The following PRSS23 variants were observed in gnomAD, a reference collection of about 807,000 sequenced individuals.
PRSS23 encodes serine protease 23.
PRSS23 carries 25 observed loss-of-function variants against 34.7 expected under a neutral mutation model. The observed-to-expected ratio is 0.72, with a 90% confidence interval of 0.53 to 1.01. PRSS23 has a LOEUF of 1.01. Among genes scored for constraint, PRSS23 ranks in the 50% least tolerant of loss-of-function variants. PRSS23 has a pLI of 0.00. For missense variants in PRSS23, 445 were observed against 475.6 expected, an observed-to-expected ratio of 0.94 and a Z score of 0.60; for synonymous variants, 176 against 186.6, an observed-to-expected ratio of 0.94 and a Z score of 0.46.
At chr11:86,952,522 T>C (rs747156359) in exon 3 of PRSS23, 8 of 1,593,138 alleles carry the variant, frequency 5.0e-6, no homozygotes, top group East Asian at 2.2e-5. Flanking sequence ...ACTTGGAAGT[T>C]TGACCAAATG....
intron 2 of PRSS23, among the ~76,000 whole-genome samples, chr11:86,861,113 G>A (rs535474222): frequency 4.6e-5 from 7 of 151,936 alleles, no homozygotes; most frequent in African/African-American, 1.7e-4. Context: ...TTAATACCCT[G>A]TGTGTCCACC....
chr11:86,858,128 G>A (rs1948585723), intron 2 of PRSS23, among the ~76,000 whole-genome samples: 1 of 152,022 alleles, frequency 6.6e-6, no homozygotes, highest in Non-Finnish European at 1.5e-5. Flanking sequence ...CACCCCTGCT[G>A]TGATATTGTT....
At chr11:86,830,160 A>G (rs1010579357) in intron 2 of PRSS23, among the ~76,000 whole-genome samples, 3 of 151,934 alleles carry the variant, frequency 2.0e-5, no homozygotes, top group Non-Finnish European at 2.9e-5. Context: ...CGAGCTTCCC[A>G]GCTGCTTTGT....
upstream of PRSS23, among the ~76,000 whole-genome samples, chr11:86,799,663 G>C (rs761197324): frequency 6.6e-6 from 1 of 152,136 alleles, no homozygotes; most frequent in Non-Finnish European, 1.5e-5. Flanking sequence ...CTCCAGCCTG[G>C]TTAGGAGAGG....
At chr11:86,823,673 A>G (rs1380244912) in intron 2 of PRSS23, 2 of 686,492 alleles carry the variant, frequency 2.9e-6, no homozygotes, top group African/African-American at 3.5e-5. Flanking sequence ...TTTCTAATGC[A>G]TTTTAACGGA....
chr11:86,801,200 C>G (rs12793673), intron 1 of PRSS23, among the ~76,000 whole-genome samples: 11,459 of 152,286 alleles, frequency 0.075, 485 homozygotes, highest in Middle Eastern at 0.11. Flanking sequence ...TGTCCGTGTG[C>G]GTTCCGGGGG....
In PRSS23 at chr11:86,808,518, A is replaced by G; in HGVS notation, c.875A>G (p.Tyr292Cys). The G allele has an allele frequency of 1.2e-6, 2 of 1,614,228 alleles. No homozygotes were observed. Among genetic ancestry groups the G allele is most frequent in the Non-Finnish European group, 1.7e-6 (2 of 1,180,036 alleles). ...YDNDRPGNLV[Y>C]RFCDVKDETY... ...AATGACCGACCAGGCAATTTGGTGTATCGCTTCTGTGACGTCAAAGACGAG... is the reference window on the plus strand; with the variant it reads ...AATGACCGACCAGGCAATTTGGTGTGTCGCTTCTGTGACGTCAAAGACGAG... Residue 292 changes from tyrosine to cysteine, a missense_variant, in exon 2 of 2, where the codon TAT (tyrosine) becomes TGT (cysteine). Physicochemically the swap from Tyr to Cys is radical, Grantham distance 194. Transcript: ENST00000280258.
At chr11:86,880,548 T>C (rs949648857) in intron 2 of PRSS23, among the ~76,000 whole-genome samples, 9 of 152,210 alleles carry the variant, frequency 5.9e-5, no homozygotes, top group Admixed American at 4.6e-4. Context: ...GTTTGTTACA[T>C]AGGTATACAT....
chr11:86,913,462 A>AT (rs1948991720), intron 2 of PRSS23, among the ~76,000 whole-genome samples: 1 of 149,608 alleles, frequency 6.7e-6, no homozygotes, highest in Non-Finnish European at 1.5e-5. Context: ...TATAGGAACT[A>AT]TTCTGCCAGT....
At chr11:86,850,309 G>T (rs1948519454) in intron 2 of PRSS23, among the ~76,000 whole-genome samples, 1 of 152,276 alleles carries the variant, frequency 6.6e-6, no homozygotes, top group South Asian at 2.1e-4. Context: ...CCCTCTGGAG[G>T]ACACCACAAC....
intron 2 of PRSS23, among the ~76,000 whole-genome samples, chr11:86,861,659 A>AC (rs1387849382): frequency 1.3e-5 from 2 of 150,226 alleles, no homozygotes; most frequent in East Asian, 2.0e-4. Context: ...GGGAGTGTAC[A>AC]CCCCCCTATG....
At chr11:86,937,057 A>G (rs10792891) in intron 2 of PRSS23, 95,094 of 151,972 alleles carry the variant, frequency 0.63, 30,245 homozygotes, top group Non-Finnish European at 0.69. Flanking sequence ...GGCAGTAGGA[A>G]AAAAAGCAAG....
chr11:86,857,139 GA>G, intron 2 of PRSS23: 1 of 326,374 alleles, frequency 3.1e-6, no homozygotes, highest in South Asian at 3.7e-5. Flanking sequence ...GGCTGTAGAT[GA>G]AAGGGTTCAG....
chr11:86,878,054 C>T (rs1565373885), intron 2 of PRSS23, among the ~76,000 whole-genome samples: 1 of 151,844 alleles, frequency 6.6e-6, no homozygotes, highest in Non-Finnish European at 1.5e-5. Flanking sequence ...TTTTGATGTA[C>T]ACATTTGCAC....
intron 2 of PRSS23, among the ~76,000 whole-genome samples, chr11:86,852,607 A>G (rs1301992918): frequency 2.6e-5 from 4 of 152,290 alleles, no homozygotes; most frequent in African/African-American, 7.2e-5. Flanking sequence ...CAGTATAAAC[A>G]TTTACAATTT....
intron 2 of PRSS23, among the ~76,000 whole-genome samples, chr11:86,880,558 T>C (rs1365580079): frequency 6.6e-6 from 1 of 152,236 alleles, no homozygotes; most frequent in Admixed American, 6.5e-5. Flanking sequence ...TAGGTATACA[T>C]GTGCCATGGT....
At chr11:86,813,005 A>T (rs1484256659), downstream of PRSS23, among the ~76,000 whole-genome samples, 2 of 152,132 alleles carry the variant, frequency 1.3e-5, no homozygotes, top group East Asian at 1.9e-4. Context: ...TCTGGGTTCC[A>T]GCTTCTCAGT....
intron 2 of PRSS23, among the ~76,000 whole-genome samples, chr11:86,836,153 G>A (rs553798500): frequency 1.3e-5 from 2 of 152,260 alleles, no homozygotes; most frequent in East Asian, 1.9e-4. Context: ...GCTGGGTATA[G>A]AGGGACAAGG....
intron 2 of PRSS23, among the ~76,000 whole-genome samples, chr11:86,831,502 A>T (rs1467365783): frequency 6.6e-6 from 1 of 151,900 alleles, no homozygotes; most frequent in African/African-American, 2.4e-5. Context: ...TACACGTGGT[A>T]TACACACCGT....
Sources: allele counts gnomAD v4.1 joint callset (sites outside exome capture counted in the v4.1 genomes callset), GRCh38; gene constraint gnomAD v4.1.1; transcripts MANE v1.5; gene names NCBI Gene and HGNC (gene_info 2026-07-23, HGNC 2026-07-21).